The following HIPK2 variants were observed in gnomAD, a reference collection of about 807,000 sequenced individuals.
The protein encoded by HIPK2 is homeodomain-interacting protein kinase 2.
A neutral mutation model predicts 113.7 loss-of-function variants in HIPK2; 27 were observed. That is an observed-to-expected ratio of 0.24 (90% CI 0.17 to 0.33). The LOEUF is 0.33. Ranked by LOEUF, HIPK2 falls within the 10% of genes least tolerant of loss-of-function variation. The pLI is 1.00. For synonymous variants in HIPK2, 631 were observed against 642.2 expected, an observed-to-expected ratio of 0.98 and a Z score of 0.26; for missense variants, 1,257 against 1,588.0, an observed-to-expected ratio of 0.79 and a Z score of 3.54.
intron 2 of HIPK2, among the ~76,000 whole-genome samples, chr7:139,704,359 T>TACCCAACATACAC: frequency 1.5e-5 from 1 of 65,806 alleles, no homozygotes. Context: ...ACACACACTA[T>TACCCAACATACAC]ACCCAACATA....
chr7:139,726,461 G>A (rs1795577932), intron 1 of HIPK2, among the ~76,000 whole-genome samples: 1 of 152,232 alleles, frequency 6.6e-6, no homozygotes, highest in Admixed American at 6.5e-5. Flanking sequence ...GAGTGAGAAG[G>A]AAGATGGGAA....
At chr7:139,745,679 G>C (rs1217924140) in intron 1 of HIPK2, among the ~76,000 whole-genome samples, 1 of 152,038 alleles carries the variant, frequency 6.6e-6, no homozygotes, top group Admixed American at 6.6e-5. Context: ...TTCCCCAGTG[G>C]CTGAGGCTAA....
rs182066611 is a variant in HIPK2, at chr7:139,574,582, C to T, written c.3126+546G>A. Among the ~76,000 whole-genome samples, 10 of 152,316 alleles carry T rather than the reference C, an allele frequency of 6.6e-5. No homozygotes were observed. The East Asian group carries it at 1.4e-3, about 21-fold the overall frequency. ...TTTCTAGAGAAACAGGGCCCTGAGT[C>T]CACCACGTGAGTCAGGCCTGATGCC... On this transcript the variant is annotated intron_variant, in intron 14 of 14. Coordinates refer to ENST00000406875, the MANE Select transcript of HIPK2 (RefSeq NM_022740.5).
chr7:139,575,726 A>T (rs1585228008), intron 13 of HIPK2, among the ~76,000 whole-genome samples: 1 of 152,232 alleles, frequency 6.6e-6, no homozygotes, highest in African/African-American at 2.4e-5. Context: ...GGGGCCAGTA[A>T]GGGATGTTAG....
chr7:139,764,608 G>C (rs1796522900), intron 1 of HIPK2, among the ~76,000 whole-genome samples: 1 of 152,160 alleles, frequency 6.6e-6, no homozygotes, highest in African/African-American at 2.4e-5. Context: ...CAAAGAGAGA[G>C]GTCCAGTAGC....
In HIPK2 at chr7:139,672,287, A is replaced by G. The variant is rs79415910; in HGVS notation, c.1104-40562T>C. 9.2e-5 allele frequency among the ~76,000 whole-genome samples: 14 copies of G among 152,358 alleles called. No individual in the cohort carries two copies. The East Asian group carries it at 2.5e-3, about 27-fold the overall frequency. ...TAGTTACCTGAAAATCAAATGCTAC[A>G]TTTATGTAAGTTGGCATGAAATTAT... On this transcript the variant is annotated intron_variant, in intron 2 of 14. Transcript: ENST00000406875.
At chr7:139,759,752 A>G (rs2117138252) in intron 1 of HIPK2, among the ~76,000 whole-genome samples, 1 of 152,320 alleles carries the variant, frequency 6.6e-6, no homozygotes, top group Admixed American at 6.5e-5. Context: ...AACCTCTAAA[A>G]ATGAAAGACG....
At chr7:139,757,900 A>G (rs746808689) in intron 1 of HIPK2, among the ~76,000 whole-genome samples, 2 of 152,266 alleles carry the variant, frequency 1.3e-5, no homozygotes, top group African/African-American at 2.4e-5. Context: ...TAGTCCTCAT[A>G]TGCAAACAAG....
At chr7:139,715,472 C>G (rs1268735012) in intron 2 of HIPK2, among the ~76,000 whole-genome samples, 1 of 152,226 alleles carries the variant, frequency 6.6e-6, no homozygotes, top group Non-Finnish European at 1.5e-5. Flanking sequence ...ATTCCTTGAT[C>G]TGATATTTAA....
chr7:139,750,154 G>T (rs1796256852), intron 1 of HIPK2, among the ~76,000 whole-genome samples: 1 of 152,194 alleles, frequency 6.6e-6, no homozygotes, highest in Non-Finnish European at 1.5e-5. Flanking sequence ...GTGTCCCTGG[G>T]TAAATGGTGG....
At chr7:139,770,705 GT>G (rs1469612644) in intron 1 of HIPK2, among the ~76,000 whole-genome samples, 2 of 152,300 alleles carry the variant, frequency 1.3e-5, no homozygotes, top group African/African-American at 4.8e-5. Flanking sequence ...TGTGACAAAG[GT>G]TTTTATAGAG....
In HIPK2 at chr7:139,653,859, A is replaced by T. The variant is rs569791659; in HGVS notation, c.1104-22134T>A. Among the ~76,000 whole-genome samples the T allele has an allele frequency of 9.9e-5, 15 of 151,902 alleles. No homozygotes were observed. In the South Asian group the frequency reaches 2.9e-3, roughly 29 times the overall value. ...GCGATTCTCCTGCCTCAGCCTCCTG[A>T]GTAGCTGGGGTTAAAGGTGCCTGCC... On this transcript the variant is annotated intron_variant, in intron 2 of 14. Transcript: ENST00000406875.
At chr7:139,761,605 GCAAGA>G (rs1422480743) in intron 1 of HIPK2, among the ~76,000 whole-genome samples, 2 of 152,178 alleles carry the variant, frequency 1.3e-5, no homozygotes, top group Non-Finnish European at 2.9e-5. Flanking sequence ...GGTTCTGGAG[GCAAGA>G]CCAGCAACTG....
intron 1 of HIPK2, among the ~76,000 whole-genome samples, chr7:139,739,736 G>A (rs547632048): frequency 2.6e-4 from 39 of 152,164 alleles, no homozygotes; most frequent in African/African-American, 7.7e-4. Context: ...CACAGCCCCT[G>A]GAAACCATGA....
chr7:139,697,385 C>T (rs993170962), intron 2 of HIPK2, among the ~76,000 whole-genome samples: 2 of 152,186 alleles, frequency 1.3e-5, no homozygotes, highest in East Asian at 1.9e-4. Context: ...TATAAATCAT[C>T]TTCGCAAATC....
intron 5 of HIPK2, among the ~76,000 whole-genome samples, chr7:139,627,562 G>A (rs1346296750): frequency 6.6e-6 from 1 of 152,126 alleles, no homozygotes; most frequent in Non-Finnish European, 1.5e-5. Flanking sequence ...CTTGTTTTGT[G>A]GTGATTTCTG....
intron 1 of HIPK2, among the ~76,000 whole-genome samples, chr7:139,755,158 T>C (rs924174834): frequency 2.6e-5 from 4 of 152,114 alleles, no homozygotes; most frequent in Non-Finnish European, 5.9e-5. Context: ...GTCAACGAGG[T>C]GTGAAGGGAG....
At chr7:139,770,219 A>G (rs551181357) in intron 1 of HIPK2, among the ~76,000 whole-genome samples, 37 of 152,268 alleles carry the variant, frequency 2.4e-4, no homozygotes, top group Non-Finnish European at 5.0e-4. Context: ...ACAAATTTTA[A>G]AAGAACACAT....
At chr7:139,743,045 G>A (rs1356485642) in intron 1 of HIPK2, among the ~76,000 whole-genome samples, 1 of 152,236 alleles carries the variant, frequency 6.6e-6, no homozygotes, top group Non-Finnish European at 1.5e-5. Flanking sequence ...GGACAGTCTA[G>A]GTGGGACTCC....
Sources: allele counts gnomAD v4.1 joint callset (sites outside exome capture counted in the v4.1 genomes callset), GRCh38; gene constraint gnomAD v4.1.1; transcripts MANE v1.5; gene names NCBI Gene and HGNC (gene_info 2026-07-23, HGNC 2026-07-21).